The following BEND7 variants were observed in gnomAD, a reference collection of about 807,000 sequenced individuals.
The protein encoded by BEND7 is BEN domain containing 7.
In BEND7, 28 loss-of-function variants were observed where a neutral mutation model predicts 50.9. That is an observed-to-expected ratio of 0.55 (90% confidence interval 0.41 to 0.75). The LOEUF (loss-of-function observed/expected upper bound fraction) is 0.75, where lower values mean the gene tolerates loss of function less well. BEND7 is among the 30% of genes least tolerant of loss of function. BEND7 has a pLI of 0.00. For missense variants in BEND7, 477 were observed against 491.3 expected (o/e 0.97, Z 0.28); for synonymous variants, 170 against 183.9 (o/e 0.92, Z 0.61).
At chr10:13,483,920 G>A (rs989506096) in intron 5 of BEND7, among the ~76,000 whole-genome samples, 12 of 152,086 alleles carry the variant, frequency 7.9e-5, no homozygotes, top group Middle Eastern at 3.2e-3. Flanking sequence ...AGGTACAGCC[G>A]CTGTTTCTGG....
At chr10:13,479,208 C>T (rs750378132) in intron 6 of BEND7, among the ~76,000 whole-genome samples, 14 of 152,086 alleles carry the variant, frequency 9.2e-5, no homozygotes, top group Non-Finnish European at 1.9e-4. Flanking sequence ...GGGGTTTCAC[C>T]ATGTTGGCCA....
At chr10:13,488,332 G>A (rs535387522) in intron 5 of BEND7, among the ~76,000 whole-genome samples, 15 of 151,686 alleles carry the variant, frequency 9.9e-5, no homozygotes, top group Non-Finnish European at 2.1e-4. Context: ...ACAACAACAA[G>A]ACAAACTTAG....
intron 2 of BEND7, among the ~76,000 whole-genome samples, chr10:13,516,336 G>A (rs529740724): frequency 3.9e-4 from 59 of 152,336 alleles, no homozygotes; most frequent in African/African-American, 1.2e-3. Flanking sequence ...GAGTCTGCGA[G>A]GCCCGGGGTG....
intron 2 of BEND7, among the ~76,000 whole-genome samples, chr10:13,510,619 G>A (rs1037984715): frequency 1.3e-5 from 2 of 152,140 alleles, no homozygotes; most frequent in Non-Finnish European, 2.9e-5. Flanking sequence ...GGAATTATGT[G>A]AAAGACAAAT....
At chr10:13,439,446 G>T (rs1157551266), downstream of BEND7, 1 of 1,613,958 alleles carries the variant, frequency 6.2e-7, no homozygotes, top group Non-Finnish European at 8.5e-7. Flanking sequence ...CAAGACTAGG[G>T]TCACCGCTGC....
chr10:13,444,598 A>T (rs747821783), intron 8 of BEND7: 1 of 151,950 alleles, frequency 6.6e-6, no homozygotes, highest in Non-Finnish European at 1.5e-5. Flanking sequence ...GGTTCTGACC[A>T]GTGAGGCTCA....
intron 2 of BEND7, chr10:13,500,902 T>C: frequency 1.1e-6 from 1 of 922,450 alleles, no homozygotes; most frequent in Non-Finnish European, 1.3e-6. Flanking sequence ...CCACCTCCCC[T>C]GCAGCGTAAC....
At chr10:13,520,759 C>G (rs2079029642) in intron 2 of BEND7, among the ~76,000 whole-genome samples, 2 of 152,324 alleles carry the variant, frequency 1.3e-5, no homozygotes, top group East Asian at 1.9e-4. Flanking sequence ...AGCAACCTCA[C>G]AGTGTAGCTG....
chr10:13,465,386 G>C (rs574803559), intron 6 of BEND7, among the ~76,000 whole-genome samples: 2 of 152,270 alleles, frequency 1.3e-5, no homozygotes, highest in East Asian at 3.9e-4. Flanking sequence ...CTGAGTTATA[G>C]ACATGAGACT....
intron 2 of BEND7, among the ~76,000 whole-genome samples, chr10:13,510,019 C>T (rs918262074): frequency 1.3e-5 from 2 of 152,164 alleles, no homozygotes; most frequent in Non-Finnish European, 2.9e-5. Flanking sequence ...TGATGAGTAA[C>T]TGCATCTAAC....
At chr10:13,458,641 C>A (rs144726974) in intron 6 of BEND7, among the ~76,000 whole-genome samples, 1 of 152,208 alleles carries the variant, frequency 6.6e-6, no homozygotes, top group African/African-American at 2.4e-5. Flanking sequence ...GTTTACAGCA[C>A]GCAGAACTGA....
intron 5 of BEND7, among the ~76,000 whole-genome samples, chr10:13,481,877 G>A (rs760257923): frequency 1.3e-5 from 2 of 152,228 alleles, no homozygotes; most frequent in Non-Finnish European, 2.9e-5. Context: ...CGTCCAAGGT[G>A]CCTTTCAACT....
At chr10:13,480,282 A>G (rs1463698017) in intron 6 of BEND7, among the ~76,000 whole-genome samples, 6 of 152,222 alleles carry the variant, frequency 3.9e-5, no homozygotes. Context: ...ATCGTAGTGC[A>G]GTGGAATACA....
At chr10:13,518,280 G>A (rs539142294) in intron 2 of BEND7, among the ~76,000 whole-genome samples, 4 of 149,754 alleles carry the variant, frequency 2.7e-5, no homozygotes, top group East Asian at 4.0e-4. Context: ...CATGCGGGCC[G>A]TGGCGAGCAG....
At chr10:13,455,014 A>G (rs1289489194) in intron 6 of BEND7, among the ~76,000 whole-genome samples, 1 of 152,144 alleles carries the variant, frequency 6.6e-6, no homozygotes, top group Non-Finnish European at 1.5e-5. Context: ...TCTACTAAAA[A>G]TAAAAACATT....
chr10:13,519,012 TAAAC>T (rs2078895096), intron 2 of BEND7, among the ~76,000 whole-genome samples: 1 of 152,252 alleles, frequency 6.6e-6, no homozygotes. Context: ...GTCCTGAAAA[TAAAC>T]AACCACATTT....
chr10:13,439,397 C>G (rs755267448), downstream of BEND7: 2 of 1,614,076 alleles, frequency 1.2e-6, no homozygotes, highest in Non-Finnish European at 1.7e-6. Flanking sequence ...GTTCTGCCAT[C>G]TGTCCCTTTT....
intron 5 of BEND7, among the ~76,000 whole-genome samples, chr10:13,485,651 G>C (rs145085401): frequency 6.6e-6 from 1 of 152,154 alleles, no homozygotes; most frequent in Non-Finnish European, 1.5e-5. Flanking sequence ...TATATACAAT[G>C]ATCTTTTGTT....
At chr10:13,501,146 G>A (rs908427287) in intron 2 of BEND7, among the ~76,000 whole-genome samples, 4 of 152,010 alleles carry the variant, frequency 2.6e-5, no homozygotes, top group Admixed American at 6.6e-5. Flanking sequence ...AGGCCGAGGC[G>A]GGTAGATCAC....
Sources: gnomAD v4.1 joint callset for allele counts (sites outside exome capture counted in the v4.1 genomes callset) on GRCh38, gnomAD v4.1.1 for gene constraint, MANE v1.5 for transcripts, NCBI Gene and HGNC (gene_info 2026-07-23, HGNC 2026-07-21) for gene names.